ZNF441: variants seen among roughly 807,000 people sequenced by gnomAD.
ZNF441 encodes the protein zinc finger protein 441.
ZNF441 carries 25 observed loss-of-function variants against 64.5 expected under a neutral mutation model. The observed-to-expected ratio is 0.39, with a 90% CI of 0.28 to 0.54. The LOEUF (loss-of-function observed/expected upper bound fraction) is 0.54, where lower values mean the gene tolerates loss of function less well. Among genes scored for constraint, ZNF441 ranks in the 20% least tolerant of loss-of-function variants. The probability of loss-of-function intolerance (pLI) is 0.70; values close to 1 mark genes in which losing one functional copy is unlikely to be tolerated. For synonymous variants in ZNF441, 262 were observed against 268.0 expected (o/e 0.98, Z 0.22); for missense variants, 715 against 843.3 (o/e 0.85, Z 1.88).
chr19:11,782,928 C>A lies in ZNF441; in HGVS notation c.*1022C>A, dbSNP rs922077249. 6.6e-6 allele frequency: 1 copy of A among 151,986 alleles called. No individual in the cohort carries two copies. Among genetic ancestry groups the A allele is most frequent in the African/African-American group, 2.4e-5 (1 of 41,362 alleles). 9.4% of individuals were successfully genotyped at this position (151,986 alleles called of 1,614,324 possible). A position where few individuals can be genotyped will look rare whatever the true frequency, so the allele number is the denominator to read the frequency against. The stretch of plus-strand genomic sequence containing the variant: ...GGCTAATACCTCAAAGCACAGACAA[C>A]AAAGATAAAAATAGACAAATGAGAC... On this transcript the variant is annotated 3_prime_UTR_variant, in exon 4 of 4. Coordinates refer to ENST00000357901, the MANE Select transcript of ZNF441 (RefSeq NM_152355.3).
rs749823682 is a variant in ZNF441 at position 11,780,868 on chromosome 19, C to T, written c.1044C>T (p.Cys348=). The part of the protein sequence containing the change: ...CKYCGKAFSD[C]TGFRRHMITH... ...ATTGTGGGAAAGCATTCTCTGATTG[C>T]ACAGGTTTTCGAAGACACATGATAA... is the stretch of plus-strand genomic sequence containing the variant. The change falls in exon 4 of 4, where the codon TGC becomes TGT. Residue 348 remains cysteine, a synonymous_variant. Transcript: ENST00000357901. 5.0e-6 allele frequency: 8 copies of T among 1,613,724 alleles called. No homozygotes were observed. The highest frequency in any genetic ancestry group is 6.8e-6 in the Non-Finnish European group (8 of 1,179,964).
At position 11,777,636 on chromosome 19, in the gene ZNF441, C is replaced by A; in HGVS notation, c.29C>A (p.Ala10Asp). The A allele has an allele frequency of 6.2e-7, 1 of 1,613,398 alleles. No individual in the cohort carries two copies. The highest frequency in any genetic ancestry group is 8.5e-7 in the Non-Finnish European group (1 of 1,179,582). MDSVAFEDV[A>D]INFTCEEWAL... The stretch of plus-strand genomic sequence containing the variant: ...GACTCAGTGGCATTTGAGGATGTGG[C>A]TATAAACTTCACCTGTGAGGAGTGG... The change falls in exon 2 of 4, where the codon GCT becomes GAT. Residue 10 changes from alanine to aspartate, a missense_variant. By Grantham distance (126) the Ala-to-Asp change is moderately radical. Coordinates refer to ENST00000357901, the MANE Select transcript of ZNF441 (RefSeq NM_152355.3).
Position 11,780,434 on chromosome 19 carries a change from G to A in ZNF441, c.610G>A (p.Ala204Thr), listed in dbSNP as rs773984868. The A allele has an allele frequency of 1.4e-5, 22 of 1,614,038 alleles. No homozygotes were observed. The Admixed American group carries it at 1.5e-4, about 11-fold the overall frequency. ...GPRICKLCGNAFIWPSLFHML... is the reference protein window; with the variant it reads ...GPRICKLCGNTFIWPSLFHML... ...TCGTATATGTAAGTTGTGTGGAAAC[G>A]CCTTTATTTGGCCTAGTTTATTTCA... The change falls in exon 4 of 4, where the codon GCC (alanine) becomes ACC (threonine). Residue 204 changes from alanine to threonine, a missense_variant. Ala to Thr is a moderately conservative substitution (Grantham distance 58, BLOSUM62 0). This residue lies in a region of ZNF441 where 399 missense variants were observed against 413.9 expected (regional missense o/e 0.96). Coordinates refer to ENST00000357901, the MANE Select transcript of ZNF441 (RefSeq NM_152355.3).
rs1402202283 is a variant in ZNF441 at position 11,767,613 on chromosome 19, A to G, written c.3+417A>G. On this transcript the variant is annotated intron_variant, in intron 1 of 3. Coordinates refer to ENST00000357901, the MANE Select transcript of ZNF441 (RefSeq NM_152355.3). The surrounding 1 kb of genome is among the most constrained non-coding windows in gnomAD (Gnocchi z 5.1). Reference sequence around the variant, plus strand: ...GGATGGGGTGTTTAGGGGTGTGGACAGGGGCGGCTGGGGCGTGGGGTCGCT... The same window carrying G: ...GGATGGGGTGTTTAGGGGTGTGGACGGGGGCGGCTGGGGCGTGGGGTCGCT... Among the ~76,000 whole-genome samples, 1 of 145,312 alleles carries G rather than the reference A, an allele frequency of 6.9e-6. No homozygotes were observed. Among genetic ancestry groups the G allele is most frequent in the Non-Finnish European group, 1.5e-5 (1 of 66,084 alleles).
intron 3 of ZNF441, among the ~76,000 whole-genome samples, chr19:11,779,518 G>A (rs769798090): frequency 6.6e-6 from 1 of 151,302 alleles, no homozygotes; most frequent in Non-Finnish European, 1.5e-5. Context: ...GGCTGAGGTG[G>A]GCAGATCACG....
intron 1 of ZNF441, among the ~76,000 whole-genome samples, chr19:11,777,029 C>T (rs1212740929): frequency 6.6e-6 from 1 of 152,078 alleles, no homozygotes; most frequent in South Asian, 2.1e-4. Flanking sequence ...AGGCTGGTCT[C>T]GAACTCCTGA....
intron 1 of ZNF441, among the ~76,000 whole-genome samples, chr19:11,772,396 A>G (rs1475485074): frequency 1.3e-5 from 2 of 152,086 alleles, no homozygotes; most frequent in Non-Finnish European, 2.9e-5. Flanking sequence ...GCTGGTCCCT[A>G]CACCAGGCCA....
At chr19:11,779,958 C>G (rs1975385259) in intron 3 of ZNF441, 61 bp from the exon 4 acceptor site, 2 of 1,312,746 alleles carry the variant, frequency 1.5e-6, no homozygotes, top group Admixed American at 4.5e-5. Context: ...AAATCCAATA[C>G]TTATTAATAC....
chr19:11,780,967 G>C lies in ZNF441; in HGVS notation c.1143G>C (p.Arg381Ser). Residue 381 changes from arginine to serine, a missense_variant, in exon 4 of 4, where the codon AGG becomes AGC. By Grantham distance (110) the Arg-to-Ser change is moderately radical (BLOSUM62 -1). This residue lies in a region of ZNF441 where 316 missense variants were observed against 429.3 expected (regional missense o/e 0.74). Coordinates refer to ENST00000357901, the MANE Select transcript of ZNF441 (RefSeq NM_152355.3). ...KAFDSPSLCRRHETTHTGEKP... is the reference protein window; with the variant it reads ...KAFDSPSLCRSHETTHTGEKP... Reference sequence around the variant, plus strand: ...TTGATTCTCCCAGTTTATGTCGAAGGCATGAAACAACTCATACTGGGGAGA... The same window carrying C: ...TTGATTCTCCCAGTTTATGTCGAAGCCATGAAACAACTCATACTGGGGAGA... 1 of 1,612,408 alleles carries C rather than the reference G, an allele frequency of 6.2e-7. No homozygotes were observed. Among genetic ancestry groups the C allele is most frequent in the East Asian group, 2.2e-5 (1 of 44,666 alleles).
chr19:11,767,961 G>A lies in ZNF441; in HGVS notation c.3+765G>A, dbSNP rs1194558505. 6.6e-6 allele frequency among the ~76,000 whole-genome samples: 1 copy of A among 152,178 alleles called. No individual in the cohort carries two copies. Among genetic ancestry groups the A allele is most frequent in the Non-Finnish European group, 1.5e-5 (1 of 68,032 alleles). On this transcript the variant is annotated intron_variant, in intron 1 of 3. Coordinates refer to ENST00000357901, the MANE Select transcript of ZNF441 (RefSeq NM_152355.3). The surrounding 1 kb of genome is among the most constrained non-coding windows in gnomAD (Gnocchi z 5.1). ...GCCTGGCTCGCAGTTCTGTGAACCC[G>A]GTGAGGAGGCTGCACGGTGATGACA...
chr19:11,780,018 G>C lies in ZNF441; in HGVS notation c.195-1G>C. ...ACTAATGTACTTCTTATTTTTTACAGATGTCATATGGTAGAGAGAGCCTGT... is the reference window on the plus strand; with the variant it reads ...ACTAATGTACTTCTTATTTTTTACACATGTCATATGGTAGAGAGAGCCTGT... On this transcript the variant is annotated splice_acceptor_variant, in intron 3 of 3. Transcript: ENST00000357901. LOFTEE classifies it high-confidence loss of function. The C allele has an allele frequency of 6.3e-7, 1 of 1,592,218 alleles. No homozygotes were observed. The highest frequency in any genetic ancestry group is 8.6e-7 in the Non-Finnish European group (1 of 1,167,108).
intron 1 of ZNF441, among the ~76,000 whole-genome samples, chr19:11,776,901 C>T (rs1296831500): frequency 3.9e-5 from 6 of 152,034 alleles, no homozygotes; most frequent in African/African-American, 7.2e-5. Context: ...CTTCGCCTCC[C>T]GGGTTCAAGC....
rs577482584 is a variant in ZNF441, at chr19:11,768,445, C to A, written c.3+1249C>A. 3.3e-5 allele frequency among the ~76,000 whole-genome samples: 5 copies of A among 152,238 alleles called. No homozygotes were observed. In the East Asian group the frequency reaches 5.8e-4, roughly 18 times the overall value. On this transcript the variant is annotated intron_variant, in intron 1 of 3. Transcript: ENST00000357901. ...TTGTTACTGTCCTCCCTTCATCATC[C>A]CTAGACAGAGACACCTTTTGAGAAT...
rs779265944 is a variant in ZNF441 at position 11,780,316 on chromosome 19, T to G, written c.492T>G (p.His164Gln). 5.0e-6 allele frequency: 8 copies of G among 1,614,178 alleles called. No homozygotes were observed. In the South Asian group the frequency reaches 8.8e-5, roughly 18 times the overall value. ...PCFQIHERPQ[H>Q]GKKLYDCKEC... is the part of the protein sequence containing the mutation. ...TTCAAATACATGAAAGACCTCAGCA[T>G]GGAAAGAAACTCTATGATTGTAAGG... Residue 164 changes from histidine (H) to glutamine (Q), a missense_variant, in exon 4 of 4, where the codon CAT (histidine) becomes CAG (glutamine). His to Gln is a conservative substitution (Grantham distance 24). Transcript: ENST00000357901.
intron 1 of ZNF441, among the ~76,000 whole-genome samples, chr19:11,774,275 T>C (rs922444672): frequency 1.1e-4 from 16 of 152,196 alleles, no homozygotes; most frequent in Non-Finnish European, 1.2e-4. Context: ...GTATCTATTA[T>C]ATTAGATCAG....
In ZNF441 at chr19:11,767,796, A is replaced by C. The variant is rs548305667; in HGVS notation, c.3+600A>C. The stretch of plus-strand genomic sequence containing the variant: ...AAAGAACTCAGGCGACTCTTGAGCA[A>C]CTCTCAGAGATCTCATCCCCAAGCA... On this transcript the variant is annotated intron_variant, in intron 1 of 3. Transcript: ENST00000357901. This position sits in a 1 kb window ranked among gnomAD's most constrained non-coding sequence, Gnocchi z 5.1. Among the ~76,000 whole-genome samples, 2 of 152,150 alleles carry C rather than the reference A, an allele frequency of 1.3e-5. No individual in the cohort carries two copies. The highest frequency in any genetic ancestry group is 3.9e-4 in the East Asian group (2 of 5,156).
chr19:11,771,088 A>C (rs1975310162), intron 1 of ZNF441, among the ~76,000 whole-genome samples: 1 of 152,240 alleles, frequency 6.6e-6, no homozygotes, highest in African/African-American at 2.4e-5. Flanking sequence ...TTAATGAAAT[A>C]GTAAGCAAGA....
At position 11,767,088 on chromosome 19, in the gene ZNF441, T is replaced by C. The variant is rs1975275996; in HGVS notation, c.-106T>C. Reference sequence around the variant, plus strand: ...CGCCCCTGCACTGGGCTCCGGGTTCTGTCACTGAGAGACGCCCTGGAACGT... The same window carrying C: ...CGCCCCTGCACTGGGCTCCGGGTTCCGTCACTGAGAGACGCCCTGGAACGT... On this transcript the variant is annotated 5_prime_UTR_variant, in exon 1 of 4. Coordinates refer to ENST00000357901, the MANE Select transcript of ZNF441 (RefSeq NM_152355.3). This position sits in a 1 kb window ranked among gnomAD's most constrained non-coding sequence, Gnocchi z 5.1. The C allele has an allele frequency of 5.2e-6, 8 of 1,529,314 alleles. No homozygotes were observed. Among genetic ancestry groups the C allele is most frequent in the Non-Finnish European group, 7.1e-6 (8 of 1,128,126 alleles). 94.7% of individuals were successfully genotyped at this position (1,529,314 alleles called of 1,614,324 possible).
At chr19:11,778,946 G>A (rs894901104) in intron 3 of ZNF441, among the ~76,000 whole-genome samples, 1 of 152,084 alleles carries the variant, frequency 6.6e-6, no homozygotes, top group African/African-American at 2.4e-5. Context: ...AAACAGCTGG[G>A]GTTGAGTTAC....
Sources: gnomAD v4.1 joint callset for allele counts (sites outside exome capture counted in the v4.1 genomes callset) on GRCh38, gnomAD v4.1.1 for gene constraint, gnomAD v4.1.1 regional missense constraint, Gnocchi (gnomAD v3.1) non-coding constraint, MANE v1.5 for transcripts, NCBI Gene and HGNC (gene_info 2026-07-23, HGNC 2026-07-21) for gene names.